NFIX: variants seen among roughly 807,000 people sequenced by gnomAD.
NFIX encodes nuclear factor 1 X-type.
Under a neutral mutation model 53.3 loss-of-function variants are expected in NFIX, and 2 were observed. The observed-to-expected ratio is 0.04, with a 90% CI of 0.02 to 0.12. The LOEUF is 0.12. Among genes scored for constraint, NFIX ranks in the 10% least tolerant of loss-of-function variants. The probability of loss-of-function intolerance (pLI) is 1.00; values close to 1 mark genes in which losing one functional copy is unlikely to be tolerated. For synonymous variants in NFIX, 244 were observed against 289.0 expected, an observed-to-expected ratio of 0.84 and a Z score of 1.58; for missense variants, 310 against 674.5, an observed-to-expected ratio of 0.46 and a Z score of 5.99.
intron 1 of NFIX, 67 bp from the exon 2 acceptor site, chr19:13,024,954 C>G: frequency 6.5e-7 from 1 of 1,544,786 alleles, no homozygotes; most frequent in Non-Finnish European, 8.8e-7. Flanking sequence ...CTCTCTTTCC[C>G]CCTCATCCCG....
At chr19:13,018,421 T>A (rs187721549) in intron 1 of NFIX, among the ~76,000 whole-genome samples, 2 of 125,534 alleles carry the variant, frequency 1.6e-5, no homozygotes, top group Admixed American at 2.1e-4. Context: ...AGCACTGGGG[T>A]GTGGGGCGAA....
chr19:13,070,863 GC>G (rs2016734221), intron 2 of NFIX: 1 of 152,488 alleles, frequency 6.6e-6, no homozygotes, highest in African/African-American at 2.4e-5. Context: ...ATTTGTCTCT[GC>G]CTCAGTCGCT....
Position 13,006,224 on chromosome 19 carries a change from G to T in NFIX, c.27+10360G>T, listed in dbSNP as rs2012007221. 6.6e-6 allele frequency among the ~76,000 whole-genome samples: 1 copy of T among 152,182 alleles called. No homozygotes were observed. The highest frequency in any genetic ancestry group is 1.5e-5 in the Non-Finnish European group (1 of 68,030). On this transcript the variant is annotated intron_variant, in intron 1 of 10. Coordinates refer to ENST00000592199, the MANE Select transcript of NFIX (RefSeq NM_001365902.3). This position sits in a 1 kb window ranked among gnomAD's most constrained non-coding sequence, Gnocchi z 5.6. Reference sequence around the variant, plus strand: ...TGGTTTTAGCAGAGGTGGGCACGGAGACCTCATGGTGAGATGATGATTTTG... The same window carrying T: ...TGGTTTTAGCAGAGGTGGGCACGGATACCTCATGGTGAGATGATGATTTTG...
intron 8 of NFIX, among the ~76,000 whole-genome samples, chr19:13,087,742 C>A (rs535226573): frequency 2.7e-5 from 4 of 149,214 alleles, no homozygotes; most frequent in Non-Finnish European, 5.9e-5. Flanking sequence ...TCGAACACCC[C>A]CTCCCTCCCT....
chr19:13,054,511 C>T (rs961219135), intron 2 of NFIX, among the ~76,000 whole-genome samples: 5 of 152,044 alleles, frequency 3.3e-5, no homozygotes, highest in African/African-American at 4.8e-5. Flanking sequence ...TTGGGTGGGA[C>T]GTTTCCCTGC....
At chr19:13,000,828 C>G (rs908237384) in intron 1 of NFIX, among the ~76,000 whole-genome samples, 2 of 152,214 alleles carry the variant, frequency 1.3e-5, no homozygotes, top group African/African-American at 4.8e-5. Context: ...TTGGCTGGAT[C>G]AGGGCACATT....
chr19:13,025,448 A>T lies in NFIX; in HGVS notation c.455A>T (p.Lys152Met), dbSNP rs1381267392. 6.2e-7 allele frequency: 1 copy of T among 1,614,032 alleles called. No individual in the cohort carries two copies. Among genetic ancestry groups the T allele is most frequent in the East Asian group, 2.2e-5 (1 of 44,880 alleles). Reference protein sequence around the residue: ...LESTDGERLYKSPQCSNPGLC... With the variant: ...LESTDGERLYMSPQCSNPGLC... ...AGTACTGATGGGGAGCGGCTCTACA[A>T]GTCGCCTCAGTGCTCGAACCCCGGC... is the stretch of plus-strand genomic sequence containing the variant. The change falls in exon 2 of 11, where the codon AAG becomes ATG. Residue 152 changes from lysine (K) to methionine (M), a missense_variant. Around this residue, in one of 5 missense-constraint regions of NFIX, gnomAD observed 164 missense variants for 284.4 expected, o/e 0.58. Transcript: ENST00000592199. The surrounding 1 kb of genome is among the most constrained non-coding windows in gnomAD (Gnocchi z 7.5).
At chr19:13,039,228 C>CCCCA (rs796212249) in intron 2 of NFIX, among the ~76,000 whole-genome samples, 34 of 144,584 alleles carry the variant, frequency 2.4e-4, no homozygotes, top group African/African-American at 8.2e-4. Flanking sequence ...ACACCCCCCC[C>CCCCA]CACACACACA....
chr19:13,058,389 G>A (rs1291989529), intron 2 of NFIX, among the ~76,000 whole-genome samples: 6 of 152,018 alleles, frequency 3.9e-5, no homozygotes, highest in South Asian at 4.1e-4. Context: ...GCTCACATCC[G>A]TAATCAATGC....
In NFIX at chr19:13,051,940, C is replaced by T. The variant is rs560828837; in HGVS notation, c.560-21107C>T. Among the ~76,000 whole-genome samples the T allele has an allele frequency of 3.9e-5, 6 of 152,340 alleles. No homozygotes were observed. Among genetic ancestry groups the T allele is most frequent in the East Asian group, 1.9e-4 (1 of 5,176 alleles). ...TCCTCCTCACAGCGCCCGCCTTCTC[C>T]GCTCCGGCTTCATGCTCTCCAGGTT... is the stretch of plus-strand genomic sequence containing the variant. On this transcript the variant is annotated intron_variant, in intron 2 of 10. Coordinates refer to ENST00000592199, the MANE Select transcript of NFIX (RefSeq NM_001365902.3). The surrounding 1 kb of genome is among the most constrained non-coding windows in gnomAD (Gnocchi z 5.1).
In NFIX at chr19:13,073,892, C is replaced by T. The variant is rs2016915210; in HGVS notation, c.698-14C>T. On this transcript the variant is annotated splice_polypyrimidine_tract_variant and intron_variant, in intron 4 of 10. Transcript: ENST00000592199. The surrounding 1 kb of genome is among the most constrained non-coding windows in gnomAD (Gnocchi z 4.5). ...CCCCACCTCCAAACCTCATCACCCT[C>T]TCGTTCTTCCCAGCTCCTGTTGCAA... The T allele has an allele frequency of 6.2e-7, 1 of 1,613,960 alleles. No homozygotes were observed. Among genetic ancestry groups the T allele is most frequent in the African/African-American group, 1.3e-5 (1 of 75,026 alleles).
chr19:13,000,413 A>G (rs2011635753), intron 1 of NFIX, among the ~76,000 whole-genome samples: 2 of 152,012 alleles, frequency 1.3e-5, no homozygotes, highest in Admixed American at 6.6e-5. Context: ...ATCCAAGTGG[A>G]CTGCCTGGAG....
Position 13,055,223 on chromosome 19 carries a change from C to T in NFIX, c.560-17824C>T, listed in dbSNP as rs1289950911. Reference sequence around the variant, plus strand: ...ATCCAAGCGCCAGGCACAACCCTCCCCCCCTCCCCACTCCTCCCTCCCACT... The same window carrying T: ...ATCCAAGCGCCAGGCACAACCCTCCTCCCCTCCCCACTCCTCCCTCCCACT... On this transcript the variant is annotated intron_variant, in intron 2 of 10. Coordinates refer to ENST00000592199, the MANE Select transcript of NFIX (RefSeq NM_001365902.3). Among the ~76,000 whole-genome samples the T allele has an allele frequency of 2.0e-5, 3 of 151,464 alleles. No individual in the cohort carries two copies. In the East Asian group the frequency reaches 5.8e-4, roughly 29 times the overall value.
At chr19:13,018,346 G>A (rs978086314) in intron 1 of NFIX, among the ~76,000 whole-genome samples, 1 of 117,130 alleles carries the variant, frequency 8.5e-6, no homozygotes, top group African/African-American at 2.9e-5. Flanking sequence ...GGGGGGGGGG[G>A]GGGGGCGCGG....
rs1484931318 is a variant in NFIX, at chr19:13,089,427, T to C, written c.1403-872T>C. ...TGAGAGGAACTCAGGGCTGTTGAGATCATTTTGTCTTTGGGCCCCAGGATG... is the reference window on the plus strand; with the variant it reads ...TGAGAGGAACTCAGGGCTGTTGAGACCATTTTGTCTTTGGGCCCCAGGATG... On this transcript the variant is annotated intron_variant, in intron 9 of 10. Transcript: ENST00000592199. This position sits in a 1 kb window ranked among gnomAD's most constrained non-coding sequence, Gnocchi z 4.8. 6.6e-6 allele frequency among the ~76,000 whole-genome samples: 1 copy of C among 152,144 alleles called. No homozygotes were observed. Among genetic ancestry groups the C allele is most frequent in the East Asian group, 1.9e-4 (1 of 5,182 alleles).
At chr19:13,018,720 A>T (rs1467916882) in intron 1 of NFIX, among the ~76,000 whole-genome samples, 1 of 152,148 alleles carries the variant, frequency 6.6e-6, no homozygotes, top group African/African-American at 2.4e-5. Context: ...CCGCTGCGTC[A>T]TGTCTGCAGT....
At chr19:13,074,083 C>T (rs998522635) in intron 5 of NFIX, 57 bp downstream of exon 5, 14 of 1,605,368 alleles carry the variant, frequency 8.7e-6, no homozygotes, top group Admixed American at 6.7e-5. Flanking sequence ...GGGCCAGGGC[C>T]GTCCCAGTGG....
Position 13,040,614 on chromosome 19 carries a change from T to C in NFIX, c.559+15062T>C, listed in dbSNP as rs1199755331. On this transcript the variant is annotated intron_variant, in intron 2 of 10. Transcript: ENST00000592199. The surrounding 1 kb of genome is among the most constrained non-coding windows in gnomAD (Gnocchi z 4.2). ...GCTGCTATTCCTGCCCTCCATCTCCTGGAGACCCCTTCAGTCTGGGCCTCT... is the reference window on the plus strand; with the variant it reads ...GCTGCTATTCCTGCCCTCCATCTCCCGGAGACCCCTTCAGTCTGGGCCTCT... Among the ~76,000 whole-genome samples, 2 of 152,282 alleles carry C rather than the reference T, an allele frequency of 1.3e-5. No homozygotes were observed. Among genetic ancestry groups the C allele is most frequent in the Non-Finnish European group, 2.9e-5 (2 of 68,014 alleles).
rs763320409 is a variant in NFIX at position 13,075,518 on chromosome 19, C to A, written c.819-17C>A. 9.3e-6 allele frequency: 15 copies of A among 1,612,960 alleles called. No homozygotes were observed. Among genetic ancestry groups the A allele is most frequent in the Non-Finnish European group, 1.3e-5 (15 of 1,179,408 alleles). ...CAGCCCATCCTTGGCCCATGTGACC[C>A]TTTCTTTCTTCCCCAGCACCACCAA... On this transcript the variant is annotated splice_polypyrimidine_tract_variant and intron_variant, in intron 5 of 10. Coordinates refer to ENST00000592199, the MANE Select transcript of NFIX (RefSeq NM_001365902.3).
Sources: allele counts gnomAD v4.1 joint callset (sites outside exome capture counted in the v4.1 genomes callset), GRCh38; gene constraint gnomAD v4.1.1; regional missense constraint gnomAD v4.1.1; non-coding constraint Gnocchi (gnomAD v3.1); transcripts MANE v1.5; gene names NCBI Gene and HGNC (gene_info 2026-07-23, HGNC 2026-07-21).